ESPNL: variants seen among roughly 807,000 people sequenced by gnomAD.
The protein encoded by ESPNL is espin-like protein.
A neutral mutation model predicts 46.8 loss-of-function variants in ESPNL; 49 were observed. The observed-to-expected ratio is 1.05, with a 90% CI of 0.83 to 1.33. The LOEUF (loss-of-function observed/expected upper bound fraction) is 1.33. Among genes scored for constraint, ESPNL ranks in the 40% most tolerant of loss-of-function variants. ESPNL has a pLI of 0.00. For missense variants in ESPNL, 1,540 were observed against 1,436.6 expected (o/e 1.07, Z -1.16); for synonymous variants, 664 against 662.1 (o/e 1.00, Z -0.04).
intron 8 of ESPNL, among the ~76,000 whole-genome samples, 154 bp from the exon 9 acceptor site, chr2:238,129,974 G>T (rs921128428): frequency 3.3e-5 from 5 of 152,260 alleles, no homozygotes; most frequent in Non-Finnish European, 7.3e-5. Context: ...CAGGTCAGGG[G>T]CTTCTGCCCT....
chr2:238,110,946 A>ATCC (rs1691704421), intron 4 of ESPNL, among the ~76,000 whole-genome samples: 1 of 101,554 alleles, frequency 9.8e-6, no homozygotes, highest in Admixed American at 1.0e-4. Context: ...CACATTAGTT[A>ATCC]TTCTTTTTTT....
At chr2:238,122,513 G>A (rs922204151) in intron 5 of ESPNL, among the ~76,000 whole-genome samples, 12 of 152,218 alleles carry the variant, frequency 7.9e-5, no homozygotes, top group African/African-American at 2.9e-4. Flanking sequence ...TGGGCCACAG[G>A]GACCTCGAGT....
chr2:238,126,893 TTG>T lies in ESPNL; in HGVS notation c.1103-724_1103-723del, dbSNP rs368221689. On this transcript the variant is annotated intron_variant, in intron 6 of 8. Coordinates refer to ENST00000343063, the MANE Select transcript of ESPNL (RefSeq NM_194312.4). Reference sequence around the variant, plus strand: ...TGATTGTGTCTGTATGTCTGTGTGATTGTGTGATTGTGTGTGTATGATCGTGT... The same window carrying T: ...TGATTGTGTCTGTATGTCTGTGTGATTGTGATTGTGTGTGTATGATCGTGT... Among the ~76,000 whole-genome samples the T allele has an allele frequency of 3.0e-3, 424 of 141,432 alleles. 3 individuals carry two copies. The highest frequency in any genetic ancestry group is 0.011 in the African/African-American group (402 of 37,410). 92.8% of individuals were successfully genotyped at this position (141,432 alleles called of 152,430 possible).
chr2:238,102,548 G>A (rs1455296049), intron 2 of ESPNL, among the ~76,000 whole-genome samples: 1 of 152,176 alleles, frequency 6.6e-6, no homozygotes, highest in Non-Finnish European at 1.5e-5. Flanking sequence ...TGGACTTGGG[G>A]ACACAGAGGC....
Position 238,125,366 on chromosome 2 carries a change from G to C in ESPNL, c.1084G>C (p.Gly362Arg). 1 of 1,563,574 alleles carries C rather than the reference G, an allele frequency of 6.4e-7. No homozygotes were observed. Among genetic ancestry groups the C allele is most frequent in the Non-Finnish European group, 8.7e-7 (1 of 1,154,968 alleles). ...GGAGGATGGAAGAAGAGGAGGCCCA[G>C]GGCCAGGGAACCCCAGCCGTGAGTG... ...SLEDGRRGGP[G>R]PGNPSPMSLS... Residue 362 changes from glycine (G) to arginine (R), a missense_variant, in exon 6 of 9, where the codon GGG becomes CGG. Coordinates refer to ENST00000343063, the MANE Select transcript of ESPNL (RefSeq NM_194312.4).
chr2:238,122,419 C>T (rs1301049148), intron 5 of ESPNL, among the ~76,000 whole-genome samples: 2 of 152,212 alleles, frequency 1.3e-5, no homozygotes, highest in African/African-American at 2.4e-5. Flanking sequence ...CTCAAATTTC[C>T]AAGAACTCTG....
intron 5 of ESPNL, among the ~76,000 whole-genome samples, chr2:238,121,790 C>G (rs1273593318): frequency 6.6e-6 from 1 of 152,246 alleles, no homozygotes; most frequent in South Asian, 2.1e-4. Context: ...TACTCCCTCC[C>G]CTTTGGTCCA....
intron 5 of ESPNL, among the ~76,000 whole-genome samples, chr2:238,123,365 C>T (rs1692030181): frequency 6.6e-6 from 1 of 152,246 alleles, no homozygotes; most frequent in South Asian, 2.1e-4. Flanking sequence ...GGCTCTGCGG[C>T]AGCCCGGCTG....
rs1692353218 is a variant in ESPNL, at chr2:238,131,991, G to T, written c.*259G>T. ...AGGCAATGGGCCACCCCAGTCCAGG[G>T]CACCTCTGCCCAGCCGGCCCCCGAG... On this transcript the variant is annotated 3_prime_UTR_variant, in exon 9 of 9. Transcript: ENST00000343063. The T allele has an allele frequency of 2.5e-6, 1 of 403,186 alleles. No individual in the cohort carries two copies. Among genetic ancestry groups the T allele is most frequent in the African/African-American group, 2.0e-5 (1 of 48,792 alleles). 25.0% of individuals were successfully genotyped at this position (403,186 alleles called of 1,614,324 possible). A position where few individuals can be genotyped will look rare whatever the true frequency, so the allele number is the denominator to read the frequency against.
At chr2:238,128,550 G>A (rs1054298234) in intron 7 of ESPNL, among the ~76,000 whole-genome samples, 157 bp from the exon 8 acceptor site, 2 of 152,168 alleles carry the variant, frequency 1.3e-5, no homozygotes, top group East Asian at 1.9e-4. Context: ...GGGGATGAGG[G>A]GGTGGGGTGC....
chr2:238,108,615 A>G (rs997877489), intron 4 of ESPNL, among the ~76,000 whole-genome samples: 5 of 152,134 alleles, frequency 3.3e-5, no homozygotes, highest in Admixed American at 6.5e-5. Context: ...GTTCACCTCC[A>G]TGAAGTCTCC....
chr2:238,102,136 G>C lies in ESPNL; in HGVS notation c.485+5G>C. The C allele has an allele frequency of 6.5e-7, 1 of 1,529,794 alleles. No homozygotes were observed. Among genetic ancestry groups the C allele is most frequent in the Non-Finnish European group, 8.8e-7 (1 of 1,135,850 alleles). 94.8% of individuals were successfully genotyped at this position (1,529,794 alleles called of 1,614,324 possible). A position where few individuals can be genotyped will look rare whatever the true frequency, so the allele number is the denominator to read the frequency against. On this transcript the variant is annotated splice_donor_5th_base_variant and intron_variant, in intron 2 of 8. Coordinates refer to ENST00000343063, the MANE Select transcript of ESPNL (RefSeq NM_194312.4). ...CCTGACAGCCGCGCATGGCAGGTAA[G>C]GAGCCCAAAGTCCCGCCTGGGGGGG...
intron 5 of ESPNL, among the ~76,000 whole-genome samples, chr2:238,121,706 T>C (rs13025592): frequency 1.3e-5 from 2 of 152,156 alleles, no homozygotes; most frequent in African/African-American, 2.4e-5. Context: ...CCCAGAGCCT[T>C]GTTTTTTGGG....
chr2:238,130,891 G>T lies in ESPNL; in HGVS notation c.2177G>T (p.Gly726Val). 6.5e-7 allele frequency: 1 copy of T among 1,547,630 alleles called. No individual in the cohort carries two copies. The change falls in exon 9 of 9, where the codon GGT (glycine) becomes GTT (valine). Residue 726 changes from glycine to valine, a missense_variant. Physicochemically the swap from Gly to Val is moderately radical, Grantham distance 109. Transcript: ENST00000343063. ...ISCEEVPSEA[G>V]AAAGPDLASL... ...TGCGAGGAGGTGCCATCAGAGGCGG[G>T]TGCCGCAGCCGGCCCAGACCTGGCC...
intron 3 of ESPNL, among the ~76,000 whole-genome samples, chr2:238,105,236 A>G (rs4663838): frequency 0.78 from 118,219 of 151,974 alleles, 46,438 homozygotes; most frequent in African/African-American, 0.9. Context: ...TGAGATCCCC[A>G]GGCCAGCCCC....
rs199729922 is a variant in ESPNL at position 238,126,738 on chromosome 2, CTG to C, written c.1103-878_1103-877del. On this transcript the variant is annotated intron_variant, in intron 6 of 8. Coordinates refer to ENST00000343063, the MANE Select transcript of ESPNL (RefSeq NM_194312.4). ...TGTGTGTCTCTGCGTATGATTGTGT[CTG>C]TGTGTATCTGTGATTGTGTCTGTGT... Among the ~76,000 whole-genome samples the C allele has an allele frequency of 8.4e-3, 1,233 of 146,740 alleles. 22 individuals carry two copies. Among genetic ancestry groups the C allele is most frequent in the African/African-American group, 0.029 (1,126 of 39,318 alleles).
chr2:238,131,326 C>T lies in ESPNL; in HGVS notation c.2612C>T (p.Pro871Leu), dbSNP rs756693043. The T allele has an allele frequency of 1.1e-5, 18 of 1,588,240 alleles. No individual in the cohort carries two copies. The highest frequency in any genetic ancestry group is 1.7e-4 in the Middle Eastern group (1 of 6,032). The change falls in exon 9 of 9, where the codon CCG becomes CTG. Residue 871 changes from proline to leucine, a missense_variant. Pro to Leu is a moderately conservative substitution (Grantham distance 98). Transcript: ENST00000343063. ...TTCCAGCTGCTGGAGTGCGACCTGC[C>T]GGCGGAGGAGCGGAAGCTGCGCCAC... ...GYFQLLECDL[P>L]AEERKLRHLL...
chr2:238,116,058 G>A (rs951599004), intron 4 of ESPNL, among the ~76,000 whole-genome samples: 4 of 152,202 alleles, frequency 2.6e-5, no homozygotes, highest in Non-Finnish European at 4.4e-5. Context: ...GATACATTTG[G>A]GTCAAAGGCA....
chr2:238,130,015 G>C (rs1692249633), intron 8 of ESPNL, 113 bp from the exon 9 acceptor site: 1 of 1,216,870 alleles, frequency 8.2e-7, no homozygotes, highest in South Asian at 1.6e-5. Flanking sequence ...TCTTACCTTG[G>C]GGCAGGACCA....
Sources: allele counts gnomAD v4.1 joint callset (sites outside exome capture counted in the v4.1 genomes callset), GRCh38; gene constraint gnomAD v4.1.1; transcripts MANE v1.5; gene names NCBI Gene and HGNC (gene_info 2026-07-23, HGNC 2026-07-21).